GNS: variants seen among roughly 807,000 people sequenced by gnomAD.
GNS encodes N-acetylglucosamine-6-sulfatase.
A neutral mutation model predicts 69.7 loss-of-function variants in GNS; 40 were observed. The observed-to-expected ratio is 0.57, with a 90% CI of 0.45 to 0.75. The LOEUF (loss-of-function observed/expected upper bound fraction) is 0.75, where lower values mean the gene tolerates loss of function less well. Among genes scored for constraint, GNS ranks in the 30% least tolerant of loss-of-function variants. The pLI is 0.00. For synonymous variants in GNS, 243 were observed against 251.6 expected, an observed-to-expected ratio of 0.97 and a Z score of 0.32; for missense variants, 565 against 685.5, an observed-to-expected ratio of 0.82 and a Z score of 1.96.
chr12:64,718,762 A>G (rs905072249), intron 13 of GNS, among the ~76,000 whole-genome samples: 1 of 152,266 alleles, frequency 6.6e-6, no homozygotes, highest in Non-Finnish European at 1.5e-5. Context: ...CAGGGAGTAC[A>G]TGGTTAAAAA....
chr12:64,721,492 T>TC, intron 12 of GNS, 103 bp downstream of exon 12: 1 of 760,074 alleles, frequency 1.3e-6, no homozygotes. Flanking sequence ...CACAACCTCT[T>TC]CCCTAGGGAG....
At chr12:64,721,519 C>G in intron 12 of GNS, 76 bp downstream of exon 12, 1 of 797,460 alleles carries the variant, frequency 1.3e-6, no homozygotes, top group East Asian at 2.4e-5. Flanking sequence ...TGGAATTGCT[C>G]TTATGCCACC....
At chr12:64,732,651 C>CG (rs979308323) in intron 9 of GNS, among the ~76,000 whole-genome samples, 2 of 151,538 alleles carry the variant, frequency 1.3e-5, no homozygotes, top group African/African-American at 4.9e-5. Flanking sequence ...TTAGTAGAGA[C>CG]GGGGTTTCAC....
At chr12:64,756,951 C>T (rs1362781764) in intron 1 of GNS, among the ~76,000 whole-genome samples, 1 of 152,044 alleles carries the variant, frequency 6.6e-6, no homozygotes, top group Admixed American at 6.6e-5. Context: ...TTCAGGAGTT[C>T]AAGAGTTACT....
chr12:64,756,923 G>A (rs1347212334), intron 1 of GNS, among the ~76,000 whole-genome samples: 2 of 152,172 alleles, frequency 1.3e-5, no homozygotes, highest in African/African-American at 4.8e-5. Flanking sequence ...GGGAGGCTGA[G>A]GTCCAGGAGT....
chr12:64,753,555 G>A (rs1870147765), intron 1 of GNS, among the ~76,000 whole-genome samples: 1 of 152,162 alleles, frequency 6.6e-6, no homozygotes, highest in Admixed American at 6.6e-5. Context: ...GTCAGTTCAC[G>A]ATGATTCTGA....
chr12:64,723,004 A>G lies in GNS; in HGVS notation c.1308+2T>C, dbSNP rs750645480. The G allele has an allele frequency of 4.5e-6, 7 of 1,551,912 alleles. No individual in the cohort carries two copies. The highest frequency in any genetic ancestry group is 6.2e-6 in the Non-Finnish European group (7 of 1,123,136). ...TCTAAGTTGATTCAAGCTATTACTC[A>G]CAGATACGCCAGGACTCAGGGAAGG... is the stretch of plus-strand genomic sequence containing the variant. On this transcript the variant is annotated splice_donor_variant, in intron 11 of 13. Coordinates refer to ENST00000258145, the MANE Select transcript of GNS (RefSeq NM_002076.4). LOFTEE classifies it high-confidence loss of function.
chr12:64,744,209 G>C (rs1436349263), intron 5 of GNS, among the ~76,000 whole-genome samples: 1 of 152,184 alleles, frequency 6.6e-6, no homozygotes, highest in Non-Finnish European at 1.5e-5. Context: ...ACGTAAGACT[G>C]TGTGTGTTTG....
At chr12:64,735,386 T>C (rs535161767) in intron 9 of GNS, among the ~76,000 whole-genome samples, 22 of 152,348 alleles carry the variant, frequency 1.4e-4, no homozygotes, top group South Asian at 2.1e-4. Context: ...TCTCATCAAC[T>C]GTGAGGATTG....
intron 13 of GNS, among the ~76,000 whole-genome samples, chr12:64,717,608 C>A (rs948081752): frequency 1.3e-5 from 2 of 151,382 alleles, no homozygotes; most frequent in Non-Finnish European, 2.9e-5. Flanking sequence ...TGTGATCTGC[C>A]CGCCTTGGTC....
At chr12:64,737,639 A>G (rs1869596314) in intron 8 of GNS, among the ~76,000 whole-genome samples, 1 of 152,216 alleles carries the variant, frequency 6.6e-6, no homozygotes, top group South Asian at 2.1e-4. Flanking sequence ...CATCAATGGA[A>G]CAACAGAAAA....
rs763169200 is a variant in GNS, at chr12:64,739,459, G to T, written c.916C>A (p.Leu306Met). 4.4e-6 allele frequency: 7 copies of T among 1,607,566 alleles called. No homozygotes were observed. Among genetic ancestry groups the T allele is most frequent in the South Asian group, 3.3e-5 (3 of 90,930 alleles). Residue 306 changes from leucine to methionine, a missense_variant, in exon 8 of 14, where the codon CTG becomes ATG. Leu to Met is a conservative substitution (Grantham distance 15). This residue lies in a region of GNS where 384 missense variants were observed against 511.0 expected (regional missense o/e 0.75). Transcript: ENST00000258145. ...CCAGTGAACTCCAGCCTCTTGACCA[G>T]TTTCTCCACAAGGTCATCAACTGAG... ...LLSVDDLVEK[L>M]VKRLEFTGEL...
At chr12:64,733,039 G>A (rs759801022) in intron 9 of GNS, among the ~76,000 whole-genome samples, 4 of 151,940 alleles carry the variant, frequency 2.6e-5, no homozygotes, top group South Asian at 4.2e-4. Context: ...CTGTAATGAG[G>A]GGAGGAGGGC....
At chr12:64,744,685 C>A in intron 5 of GNS, 124 bp downstream of exon 5, 1 of 704,092 alleles carries the variant, frequency 1.4e-6, no homozygotes. Context: ...GCAGTTAGAC[C>A]AAGTTACTGT....
At chr12:64,733,297 CA>C (rs961321163) in intron 9 of GNS, among the ~76,000 whole-genome samples, 1,686 of 26,612 alleles carry the variant, frequency 0.063, 6 homozygotes, top group African/African-American at 0.11. Flanking sequence ...GACCCTGTCT[CA>C]AAAAAAAAAA....
chr12:64,741,664 TA>T (rs1869740868), intron 6 of GNS, among the ~76,000 whole-genome samples: 1 of 152,102 alleles, frequency 6.6e-6, no homozygotes, highest in Admixed American at 6.5e-5. Context: ...AGCAATTTCC[TA>T]AAACTTCAAG....
chr12:64,738,504 CTACTT>C lies in GNS; in HGVS notation c.994+872_994+876del, dbSNP rs745798419. On this transcript the variant is annotated intron_variant, in intron 8 of 13. Coordinates refer to ENST00000258145, the MANE Select transcript of GNS (RefSeq NM_002076.4). ...ATAATGGAGGTTATTTTACTATTCTCTACTTTGAGTGTTTAAAAATATTCACAGGC... is the reference window on the plus strand; with the variant it reads ...ATAATGGAGGTTATTTTACTATTCTCTGAGTGTTTAAAAATATTCACAGGC... Among the ~76,000 whole-genome samples, 4 of 152,272 alleles carry C rather than the reference CTACTT, an allele frequency of 2.6e-5. No homozygotes were observed. In the East Asian group the frequency reaches 7.7e-4, roughly 29 times the overall value.
intron 8 of GNS, 31 bp downstream of exon 8, chr12:64,739,350 G>T (rs1184230655): frequency 2.9e-6 from 3 of 1,024,664 alleles, no homozygotes; most frequent in African/African-American, 3.1e-5. Flanking sequence ...TATTCTCAAA[G>T]ATCACAGCAG....
chr12:64,737,817 C>A (rs188128155), intron 8 of GNS, among the ~76,000 whole-genome samples: 1 of 152,106 alleles, frequency 6.6e-6, no homozygotes, highest in Non-Finnish European at 1.5e-5. Flanking sequence ...CTATCAAGTC[C>A]CTAATCTAAC....
Sources: allele counts gnomAD v4.1 joint callset (sites outside exome capture counted in the v4.1 genomes callset), GRCh38; gene constraint gnomAD v4.1.1; regional missense constraint gnomAD v4.1.1; transcripts MANE v1.5; gene names NCBI Gene and HGNC (gene_info 2026-07-23, HGNC 2026-07-21).